LETM1: variants seen among roughly 807,000 people sequenced by gnomAD.
LETM1 encodes mitochondrial proton/calcium exchanger protein.
LETM1 carries 50 observed loss-of-function variants against 74.5 expected under a neutral mutation model. The observed-to-expected ratio is 0.67, with a 90% confidence interval of 0.53 to 0.85. LETM1 has a LOEUF of 0.85. Ranked by LOEUF, LETM1 falls within the 40% of genes least tolerant of loss-of-function variation. The probability of loss-of-function intolerance (pLI) is 0.00; values close to 1 mark genes in which losing one functional copy is unlikely to be tolerated. For missense variants in LETM1, 824 were observed against 967.8 expected, an observed-to-expected ratio of 0.85 and a Z score of 1.97; for synonymous variants, 446 against 407.1, an observed-to-expected ratio of 1.10 and a Z score of -1.15.
intron 10 of LETM1, 114 bp downstream of exon 10, chr4:1,822,067 C>T (rs1711798423): frequency 9.1e-7 from 1 of 1,096,734 alleles, no homozygotes. Flanking sequence ...CATCTCCTCT[C>T]ACTGAGGGCT....
In LETM1 at chr4:1,813,791, C is replaced by T. The variant is rs1443548403; in HGVS notation, c.*633G>A. The T allele has an allele frequency of 6.5e-6, 1 of 153,154 alleles. No individual in the cohort carries two copies. Among genetic ancestry groups the T allele is most frequent in the Non-Finnish European group, 1.5e-5 (1 of 68,702 alleles). 9.5% of individuals were successfully genotyped at this position (153,154 alleles called of 1,614,324 possible). ...GGGGAAATAGAAAGCCGAGAAAGAG[C>T]TCCGATACACAAGGGAAACCGCACG... On this transcript the variant is annotated 3_prime_UTR_variant, in exon 14 of 14. Coordinates refer to ENST00000302787, the MANE Select transcript of LETM1 (RefSeq NM_012318.3).
In LETM1 at chr4:1,827,274, CTTT is replaced by C. The variant is rs759264558; in HGVS notation, c.1081-1594_1081-1592del. ...GGTTATAGATCCTGGATTGACAGTT[CTTT>C]TTTTTTTTTTTTTTTTTAATTTATT... On this transcript the variant is annotated intron_variant, in intron 6 of 13. Coordinates refer to ENST00000302787, the MANE Select transcript of LETM1 (RefSeq NM_012318.3). Among the ~76,000 whole-genome samples, 837 of 103,750 alleles carry C rather than the reference CTTT, an allele frequency of 8.1e-3. 8 individuals carry two copies. The highest frequency in any genetic ancestry group is 0.028 in the African/African-American group (794 of 28,602). 68.1% of individuals were successfully genotyped at this position (103,750 alleles called of 152,430 possible). A position where few individuals can be genotyped will look rare whatever the true frequency, so the allele number is the denominator to read the frequency against.
At position 1,814,181 on chromosome 4, in the gene LETM1, A is replaced by T; in HGVS notation, c.*243T>A. 1.7e-6 allele frequency: 1 copy of T among 591,490 alleles called. No homozygotes were observed. The highest frequency in any genetic ancestry group is 3.3e-5 in the East Asian group (1 of 29,946). The allele number at this position is 591,490 out of a possible 1,614,324, so 36.6% of individuals were successfully genotyped here. A position where few individuals can be genotyped will look rare whatever the true frequency, so the allele number is the denominator to read the frequency against. On this transcript the variant is annotated 3_prime_UTR_variant, in exon 14 of 14. Transcript: ENST00000302787. ...CAGCCCAGCTGCCTCTGGAGCCAGGAGGCCGTGGCAGCCACACCACAGTGT... is the reference window on the plus strand; with the variant it reads ...CAGCCCAGCTGCCTCTGGAGCCAGGTGGCCGTGGCAGCCACACCACAGTGT...
rs923809647 is a variant in LETM1, at chr4:1,856,057, G to C, written c.-107C>G. 2 of 616,352 alleles carry C rather than the reference G, an allele frequency of 3.2e-6. No individual in the cohort carries two copies. Among genetic ancestry groups the C allele is most frequent in the Non-Finnish European group, 4.6e-6 (2 of 438,966 alleles). The allele number at this position is 616,352 out of a possible 1,614,324, so 38.2% of individuals were successfully genotyped here. A position where few individuals can be genotyped will look rare whatever the true frequency, so the allele number is the denominator to read the frequency against. ...CGCTTCAGACCCGGCCCGCGCGGAC[G>C]GCTGACAGAGGCGGCTGGCCTCGGA... On this transcript the variant is annotated 5_prime_UTR_variant, in exon 1 of 14. Coordinates refer to ENST00000302787, the MANE Select transcript of LETM1 (RefSeq NM_012318.3).
At chr4:1,840,359 A>T (rs749474448) in intron 3 of LETM1, among the ~76,000 whole-genome samples, 1 of 152,050 alleles carries the variant, frequency 6.6e-6, no homozygotes, top group Non-Finnish European at 1.5e-5. Context: ...CCTGGGCAAC[A>T]GAGTGAGACT....
At chr4:1,851,232 C>A (rs781299762) in intron 1 of LETM1, among the ~76,000 whole-genome samples, 1 of 152,140 alleles carries the variant, frequency 6.6e-6, no homozygotes. Flanking sequence ...CTAGGCGGTG[C>A]CGGGAGCCAG....
intron 1 of LETM1, among the ~76,000 whole-genome samples, chr4:1,853,184 C>T (rs1713122723): frequency 6.6e-6 from 1 of 152,022 alleles, no homozygotes; most frequent in South Asian, 2.1e-4. Context: ...CGGCTCAGGC[C>T]AGAGGCCACC....
At chr4:1,818,537 C>T (rs989277403) in intron 11 of LETM1, among the ~76,000 whole-genome samples, 1 of 151,716 alleles carries the variant, frequency 6.6e-6, no homozygotes, top group Non-Finnish European at 1.5e-5. Context: ...CATTTGAACC[C>T]AGGAGGCGGA....
chr4:1,826,663 T>C lies in LETM1; in HGVS notation c.1081-980A>G, dbSNP rs1174805343. Among the ~76,000 whole-genome samples, 5 of 152,256 alleles carry C rather than the reference T, an allele frequency of 3.3e-5. No individual in the cohort carries two copies. The East Asian group carries it at 5.8e-4, about 18-fold the overall frequency. ...TGCCGGGTTAGGCCTCTCACTGCCA[T>C]GCGGCATTCTGCAGCATGCGTGCCC... On this transcript the variant is annotated intron_variant, in intron 6 of 13. Transcript: ENST00000302787.
Position 1,834,810 on chromosome 4 carries a change from GGT to G in LETM1, c.876+33_876+34del. Reference sequence around the variant, plus strand: ...AACAGAAAATCAGGGAAGGCTCCCTGGTGAGGTCACAGGGACTCAGACGTATC... The same window carrying G: ...AACAGAAAATCAGGGAAGGCTCCCTGGAGGTCACAGGGACTCAGACGTATC... On this transcript the variant is annotated intron_variant, in intron 5 of 13. Coordinates refer to ENST00000302787, the MANE Select transcript of LETM1 (RefSeq NM_012318.3). The surrounding 1 kb of genome is among the most constrained non-coding windows in gnomAD (Gnocchi z 5.0). 1 of 1,610,862 alleles carries G rather than the reference GGT, an allele frequency of 6.2e-7. No individual in the cohort carries two copies. Among genetic ancestry groups the G allele is most frequent in the Non-Finnish European group, 8.5e-7 (1 of 1,177,654 alleles).
At chr4:1,855,248 G>C (rs1379928374) in intron 1 of LETM1, among the ~76,000 whole-genome samples, 4 of 152,238 alleles carry the variant, frequency 2.6e-5, no homozygotes, top group African/African-American at 9.6e-5. Flanking sequence ...ATTAGAGAGA[G>C]AGAGGAGGTG....
chr4:1,837,699 GTTTT>G (rs1156556783), intron 3 of LETM1, among the ~76,000 whole-genome samples: 4 of 125,756 alleles, frequency 3.2e-5, no homozygotes, highest in South Asian at 2.6e-4. Context: ...AAATTTACAA[GTTTT>G]TTTTTTTTTT....
intron 6 of LETM1, among the ~76,000 whole-genome samples, chr4:1,828,302 C>G (rs868421525): frequency 8.9e-6 from 1 of 112,456 alleles, no homozygotes. Context: ...CCCTCCCGGA[C>G]GGGGCGGCTG....
rs149649563 is a variant in LETM1, at chr4:1,825,529, C to G, written c.1200+35G>C. ...TCGAGGCTGATGTTTCCCTTGAGCC[C>G]GTGCCGGCCTGGCACCAGGCCAATA... is the stretch of plus-strand genomic sequence containing the variant. On this transcript the variant is annotated intron_variant, in intron 7 of 13. Transcript: ENST00000302787. 7.5e-6 allele frequency: 12 copies of G among 1,591,406 alleles called. No homozygotes were observed. In the South Asian group the frequency reaches 1.3e-4, roughly 18 times the overall value.
intron 12 of LETM1, 106 bp downstream of exon 12, chr4:1,816,621 A>G: frequency 9.2e-7 from 1 of 1,088,040 alleles, no homozygotes; most frequent in Non-Finnish European, 1.3e-6. Context: ...GGCAGAGGCT[A>G]CAATGTGCCC....
intron 5 of LETM1, 31 bp from the exon 6 acceptor site, chr4:1,832,978 G>C: frequency 1.2e-6 from 2 of 1,606,174 alleles, no homozygotes; most frequent in Non-Finnish European, 1.7e-6. Context: ...GTCATCCCCG[G>C]GACACGCGCC....
chr4:1,836,719 A>G lies in LETM1; in HGVS notation c.595-147T>C, dbSNP rs1712473426. The G allele has an allele frequency of 5.0e-6, 4 of 804,376 alleles. No homozygotes were observed. Among genetic ancestry groups the G allele is most frequent in the Non-Finnish European group, 7.8e-6 (4 of 515,400 alleles). 49.8% of individuals were successfully genotyped at this position (804,376 alleles called of 1,614,324 possible). A position where few individuals can be genotyped will look rare whatever the true frequency, so the allele number is the denominator to read the frequency against. ...ACTGAGGACTCTAAGTTCCAGAACC[A>G]CTTAGCAGACCATTCCCAAAACCCA... On this transcript the variant is annotated intron_variant, in intron 3 of 13. Coordinates refer to ENST00000302787, the MANE Select transcript of LETM1 (RefSeq NM_012318.3). The surrounding 1 kb of genome is among the most constrained non-coding windows in gnomAD (Gnocchi z 5.8).
chr4:1,854,158 T>G (rs1713159623), intron 1 of LETM1, among the ~76,000 whole-genome samples: 1 of 152,144 alleles, frequency 6.6e-6, no homozygotes. Context: ...CTCCAAAAGT[T>G]TCAGTGGCTA....
chr4:1,826,925 G>T (rs963166047), intron 6 of LETM1, among the ~76,000 whole-genome samples: 4 of 152,162 alleles, frequency 2.6e-5, no homozygotes, highest in African/African-American at 9.7e-5. Context: ...ACCCACGAAG[G>T]CAAGTGCTGA....
Sources: allele counts gnomAD v4.1 joint callset (sites outside exome capture counted in the v4.1 genomes callset), GRCh38; gene constraint gnomAD v4.1.1; non-coding constraint Gnocchi (gnomAD v3.1); transcripts MANE v1.5; gene names NCBI Gene and HGNC (gene_info 2026-07-23, HGNC 2026-07-21).